TRPM3: variants seen among roughly 807,000 people sequenced by gnomAD.
TRPM3 encodes long transient receptor potential channel 3.
A neutral mutation model predicts 181.2 loss-of-function variants in TRPM3; 77 were observed. The observed-to-expected ratio is 0.42, with a 90% CI of 0.35 to 0.51. The LOEUF (loss-of-function observed/expected upper bound fraction) is 0.51, where lower values mean the gene tolerates loss of function less well. TRPM3 is among the 20% of genes least tolerant of loss of function. The pLI, the probability that TRPM3 is intolerant of heterozygous loss-of-function variation, is 0.01. For synonymous variants in TRPM3, 745 were observed against 796.4 expected, an observed-to-expected ratio of 0.94 and a Z score of 1.09; for missense variants, 1,759 against 2,196.7, an observed-to-expected ratio of 0.80 and a Z score of 3.98.
At chr9:70,672,178 C>T (rs767265694) in intron 9 of TRPM3, among the ~76,000 whole-genome samples, 3 of 152,182 alleles carry the variant, frequency 2.0e-5, no homozygotes, top group Non-Finnish European at 4.4e-5. Flanking sequence ...ACAGCTAACC[C>T]CATCTCTCAT....
intron 8 of TRPM3, among the ~76,000 whole-genome samples, chr9:70,744,356 G>A (rs2074754415): frequency 6.6e-6 from 1 of 150,946 alleles, no homozygotes; most frequent in South Asian, 2.1e-4. Context: ...AAAGAAAAAA[G>A]AGAAAGAAAA....
chr9:71,112,753 A>C (rs2071403952), intron 1 of TRPM3, among the ~76,000 whole-genome samples: 1 of 152,204 alleles, frequency 6.6e-6, no homozygotes, highest in African/African-American at 2.4e-5. Flanking sequence ...CAACATGCTA[A>C]AAGTAAAGCT....
intron 1 of TRPM3, among the ~76,000 whole-genome samples, chr9:70,866,000 A>G (rs1215517922): frequency 6.6e-6 from 1 of 152,030 alleles, no homozygotes; most frequent in Non-Finnish European, 1.5e-5. Flanking sequence ...TCTAGTCTCA[A>G]ATATTTTTCT....
At chr9:71,191,804 A>ACAACC (rs549469237) in intron 1 of TRPM3, among the ~76,000 whole-genome samples, 2 of 149,458 alleles carry the variant, frequency 1.3e-5, no homozygotes, top group East Asian at 2.0e-4. Flanking sequence ...AAAAAAAAAA[A>ACAACC]ATCACATCGT....
chr9:70,810,844 A>G (rs967396649), intron 6 of TRPM3, among the ~76,000 whole-genome samples: 3 of 152,166 alleles, frequency 2.0e-5, no homozygotes, highest in Non-Finnish European at 2.9e-5. Flanking sequence ...GAAGAAAATA[A>G]TCCCTATCTT....
At chr9:70,816,511 C>T (rs996259683) in intron 6 of TRPM3, among the ~76,000 whole-genome samples, 2 of 152,024 alleles carry the variant, frequency 1.3e-5, no homozygotes, top group South Asian at 2.1e-4. Flanking sequence ...CAGTTATAAC[C>T]TTTTTTTTCC....
chr9:70,651,953 A>G (rs2133797645), intron 9 of TRPM3, among the ~76,000 whole-genome samples: 1 of 152,286 alleles, frequency 6.6e-6, no homozygotes, highest in East Asian at 1.9e-4. Flanking sequence ...AACGTGCTCA[A>G]TAGGAAGGAG....
At chr9:70,665,420 G>A (rs573558016) in intron 9 of TRPM3, among the ~76,000 whole-genome samples, 2 of 152,172 alleles carry the variant, frequency 1.3e-5, no homozygotes, top group Admixed American at 1.3e-4. Context: ...ATTCTCATGT[G>A]CAAGCAGAAA....
chr9:71,106,618 C>A (rs959762048), intron 1 of TRPM3, among the ~76,000 whole-genome samples: 9 of 152,154 alleles, frequency 5.9e-5, no homozygotes, highest in African/African-American at 1.9e-4. Flanking sequence ...AATTACCCAG[C>A]CTCAGGTATT....
intron 1 of TRPM3, among the ~76,000 whole-genome samples, chr9:71,296,672 T>A (rs1324472795): frequency 2.0e-5 from 3 of 152,154 alleles, no homozygotes; most frequent in Admixed American, 2.0e-4. Flanking sequence ...TCTGATATAT[T>A]TTTAAACTAG....
At chr9:70,821,548 G>A (rs116357987) in intron 6 of TRPM3, among the ~76,000 whole-genome samples, 1,553 of 152,164 alleles carry the variant, frequency 0.01, 32 homozygotes, top group African/African-American at 0.036. Context: ...TAAGTTGGTC[G>A]AACTTATATA....
chr9:71,180,047 C>CCTCTT (rs2077309738), intron 1 of TRPM3, among the ~76,000 whole-genome samples: 1 of 86,554 alleles, frequency 1.2e-5, no homozygotes, highest in African/African-American at 4.1e-5. Flanking sequence ...ATCATACATC[C>CCTCTT]TTCTTTTTTT....
At chr9:71,436,122 T>C (rs1486385984) in intron 1 of TRPM3, among the ~76,000 whole-genome samples, 1 of 152,058 alleles carries the variant, frequency 6.6e-6, no homozygotes. Flanking sequence ...TCACAAAATC[T>C]GATGGGTTTA....
intron 1 of TRPM3, among the ~76,000 whole-genome samples, chr9:70,890,311 A>G (rs2096177817): frequency 6.6e-6 from 1 of 151,986 alleles, no homozygotes; most frequent in Admixed American, 6.6e-5. Context: ...ACAAAACAGA[A>G]CAAAGAGAAA....
chr9:71,223,649 T>A (rs532239408), intron 1 of TRPM3, among the ~76,000 whole-genome samples: 2 of 152,322 alleles, frequency 1.3e-5, no homozygotes, highest in African/African-American at 4.8e-5. Context: ...ATTCTGGACC[T>A]ATCCTGGGCC....
chr9:71,181,674 A>G (rs1293735326), intron 1 of TRPM3, among the ~76,000 whole-genome samples: 4 of 152,114 alleles, frequency 2.6e-5, no homozygotes, highest in Non-Finnish European at 5.9e-5. Flanking sequence ...GAAACAAAAA[A>G]GTGATGTCAA....
intron 8 of TRPM3, among the ~76,000 whole-genome samples, chr9:70,738,110 C>T (rs1303377507): frequency 6.6e-6 from 1 of 152,048 alleles, no homozygotes; most frequent in African/African-American, 2.4e-5. Flanking sequence ...CCAAGATAGA[C>T]CATATGATAG....
intron 15 of TRPM3, 59 bp from the exon 16 acceptor site, chr9:70,620,424 A>C: frequency 6.5e-7 from 1 of 1,536,230 alleles, no homozygotes; most frequent in Non-Finnish European, 8.8e-7. Context: ...CATTTCAGCA[A>C]GTAGCAGTTG....
intron 1 of TRPM3, among the ~76,000 whole-genome samples, chr9:70,896,701 T>G (rs1206101549): frequency 1.3e-5 from 2 of 152,046 alleles, no homozygotes; most frequent in Non-Finnish European, 2.9e-5. Flanking sequence ...TTTTAACATT[T>G]ATTAATAAAA....
Sources: allele counts gnomAD v4.1 joint callset (sites outside exome capture counted in the v4.1 genomes callset), GRCh38; gene constraint gnomAD v4.1.1; transcripts MANE v1.5; gene names NCBI Gene and HGNC (gene_info 2026-07-23, HGNC 2026-07-21).